Variants in GPC5 observed in about 807,000 individuals in gnomAD.
GPC5 encodes the protein glypican-5.
In GPC5, 47 loss-of-function variants were observed where a neutral mutation model predicts 53.9. The ratio of observed to expected loss-of-function variants is 0.87; its 90% CI spans 0.69 to 1.11. The LOEUF is 1.11. Ranked by LOEUF, GPC5 falls within the 50% of genes most tolerant of loss-of-function variation. The pLI is 0.00. For missense variants in GPC5, 748 were observed against 713.1 expected (o/e 1.05, Z -0.56); for synonymous variants, 286 against 263.3 (o/e 1.09, Z -0.84).
At chr13:91,422,621 G>A (rs1878718257) in intron 1 of GPC5, among the ~76,000 whole-genome samples, 1 of 150,030 alleles carries the variant, frequency 6.7e-6, no homozygotes, top group Non-Finnish European at 1.5e-5. Flanking sequence ...GGGCAACAGA[G>A]CAAGACTCAG....
intron 6 of GPC5, among the ~76,000 whole-genome samples, chr13:92,001,555 A>T (rs1453252060): frequency 6.6e-6 from 1 of 152,200 alleles, no homozygotes; most frequent in Non-Finnish European, 1.5e-5. Flanking sequence ...TGCTGATATT[A>T]GTACTGGAAT....
intron 2 of GPC5, among the ~76,000 whole-genome samples, chr13:91,662,719 G>C (rs1287136124): frequency 1.3e-5 from 2 of 152,020 alleles, no homozygotes; most frequent in Non-Finnish European, 2.9e-5. Context: ...TATTACCCTA[G>C]TATCTTGCTG....
chr13:91,467,011 G>A (rs4771834), intron 2 of GPC5, among the ~76,000 whole-genome samples: 15,178 of 152,056 alleles, frequency 0.1, 939 homozygotes, highest in East Asian at 0.14. Flanking sequence ...AATCTGAACC[G>A]GGTCCTTGCT....
chr13:92,036,499 A>C (rs2040894096), intron 6 of GPC5, among the ~76,000 whole-genome samples: 1 of 152,248 alleles, frequency 6.6e-6, no homozygotes, highest in South Asian at 2.1e-4. Flanking sequence ...CATTATAAAA[A>C]CAGAAGTTGA....
intron 7 of GPC5, among the ~76,000 whole-genome samples, chr13:92,768,399 T>A (rs1875491194): frequency 6.6e-6 from 1 of 152,184 alleles, no homozygotes; most frequent in Non-Finnish European, 1.5e-5. Flanking sequence ...GTGGCTGTTA[T>A]ATATTATTTG....
intron 6 of GPC5, among the ~76,000 whole-genome samples, chr13:91,911,883 T>C (rs1462218221): frequency 2.6e-5 from 4 of 152,008 alleles, no homozygotes; most frequent in Admixed American, 2.0e-4. Flanking sequence ...AAGAGAAGAG[T>C]AGGTCTGGCG....
chr13:91,785,151 T>C (rs2037859038), intron 5 of GPC5, among the ~76,000 whole-genome samples: 2 of 152,210 alleles, frequency 1.3e-5, no homozygotes, highest in Admixed American at 6.5e-5. Context: ...TCTTTAATAT[T>C]GGTGCACCTG....
chr13:92,455,830 A>G (rs968797417), intron 7 of GPC5, among the ~76,000 whole-genome samples: 2 of 152,234 alleles, frequency 1.3e-5, no homozygotes, highest in Admixed American at 1.3e-4. Flanking sequence ...ATAAATAAGC[A>G]TAACATCACT....
chr13:91,846,264 C>T (rs1405822404), intron 5 of GPC5, among the ~76,000 whole-genome samples: 1 of 151,874 alleles, frequency 6.6e-6, no homozygotes, highest in African/African-American at 2.4e-5. Context: ...TACAACTTCT[C>T]AATTAACATA....
intron 7 of GPC5, among the ~76,000 whole-genome samples, chr13:92,364,311 T>C (rs2043591099): frequency 6.6e-6 from 1 of 151,570 alleles, no homozygotes. Flanking sequence ...TATTTCCAGC[T>C]ATCATAAGGT....
At chr13:92,645,486 T>C (rs934830252) in intron 7 of GPC5, among the ~76,000 whole-genome samples, 2 of 152,242 alleles carry the variant, frequency 1.3e-5, no homozygotes, top group Non-Finnish European at 2.9e-5. Flanking sequence ...TTACTTAGCA[T>C]AATGCATTTT....
chr13:92,009,253 CGTGTGTGTGT>C (rs3059952), intron 6 of GPC5, among the ~76,000 whole-genome samples: 40 of 139,832 alleles, frequency 2.9e-4, no homozygotes, highest in African/African-American at 6.3e-4. Context: ...GCTGGATTTT[CGTGTGTGTGT>C]GTGTGTGTGT....
intron 7 of GPC5, among the ~76,000 whole-genome samples, chr13:92,365,673 T>C (rs2043601947): frequency 6.6e-6 from 1 of 151,434 alleles, no homozygotes; most frequent in African/African-American, 2.4e-5. Flanking sequence ...TCTTTTTTTT[T>C]TTACTTTGTA....
chr13:91,641,276 C>G (rs2034422958), intron 2 of GPC5, among the ~76,000 whole-genome samples: 1 of 152,188 alleles, frequency 6.6e-6, no homozygotes, highest in Admixed American at 6.5e-5. Context: ...TGCAGTGAGC[C>G]AAGATAGCGC....
intron 7 of GPC5, among the ~76,000 whole-genome samples, chr13:92,556,256 C>T (rs1425449949): frequency 6.6e-6 from 1 of 151,764 alleles, no homozygotes; most frequent in Non-Finnish European, 1.5e-5. Context: ...CATCTGCCAA[C>T]TTATTTAACA....
rs1488556185 is a variant in GPC5 at position 91,942,346 on chromosome 13, T to C, written c.1401+34289T>C. 2.0e-5 allele frequency among the ~76,000 whole-genome samples: 3 copies of C among 152,102 alleles called. 1 individual carries two copies. The South Asian group carries it at 6.2e-4, about 32-fold the overall frequency. Reference sequence around the variant, plus strand: ...ACTACATTTCTTGTTACAGTCATTTTATCATTCAAGCTGGTGCATACAGTC... The same window carrying C: ...ACTACATTTCTTGTTACAGTCATTTCATCATTCAAGCTGGTGCATACAGTC... On this transcript the variant is annotated intron_variant, in intron 6 of 7. Transcript: ENST00000377067.
chr13:92,822,033 C>T (rs990070040), intron 7 of GPC5, among the ~76,000 whole-genome samples: 3 of 152,034 alleles, frequency 2.0e-5, no homozygotes, highest in Non-Finnish European at 1.5e-5. Flanking sequence ...GAAATCTCAT[C>T]GACTCTGGGG....
At chr13:92,685,559 A>ATTTTTTTTTTTT (rs1887243081) in intron 7 of GPC5, among the ~76,000 whole-genome samples, 2 of 104,580 alleles carry the variant, frequency 1.9e-5, no homozygotes, top group South Asian at 3.6e-4. Flanking sequence ...TTTTTTTTTT[A>ATTTTTTTTTTTT]ATTTTTTTTT....
chr13:91,608,371 T>C (rs1400490865), intron 2 of GPC5, among the ~76,000 whole-genome samples: 1 of 152,202 alleles, frequency 6.6e-6, no homozygotes, highest in Admixed American at 6.5e-5. Flanking sequence ...ACAAAATTTG[T>C]TTCTGTCATT....
Sources: allele counts gnomAD v4.1 joint callset (sites outside exome capture counted in the v4.1 genomes callset), GRCh38; gene constraint gnomAD v4.1.1; transcripts MANE v1.5; gene names NCBI Gene and HGNC (gene_info 2026-07-23, HGNC 2026-07-21).